The following CAMK2B variants were observed in gnomAD, a reference collection of about 807,000 sequenced individuals.
CAMK2B encodes calcium/calmodulin-dependent protein kinase type II subunit beta.
Under a neutral mutation model 93.7 loss-of-function variants are expected in CAMK2B, and 27 were observed. The observed-to-expected ratio is 0.29, with a 90% CI of 0.21 to 0.40. The LOEUF is 0.40. Among genes scored for constraint, CAMK2B ranks in the 10% least tolerant of loss-of-function variants. The pLI, the probability that CAMK2B is intolerant of heterozygous loss-of-function variation, is 1.00. For missense variants in CAMK2B, 568 were observed against 895.8 expected (o/e 0.63, Z 4.67); for synonymous variants, 374 against 358.8 (o/e 1.04, Z -0.48).
At chr7:44,258,625 G>C (rs539701627) in intron 4 of CAMK2B, among the ~76,000 whole-genome samples, 13 of 152,230 alleles carry the variant, frequency 8.5e-5, no homozygotes, top group Non-Finnish European at 1.5e-4. Context: ...GTGGAGGAGA[G>C]GGGGAGTCCA....
At chr7:44,299,742 G>A (rs1169116321) in intron 1 of CAMK2B, among the ~76,000 whole-genome samples, 3 of 152,068 alleles carry the variant, frequency 2.0e-5, no homozygotes, top group East Asian at 1.9e-4. Context: ...CTCCTCATCT[G>A]TAAATGGAGA....
intron 1 of CAMK2B, among the ~76,000 whole-genome samples, chr7:44,306,420 G>A (rs1791525053): frequency 6.6e-6 from 1 of 152,252 alleles, no homozygotes; most frequent in Non-Finnish European, 1.5e-5. Flanking sequence ...CACAGGAGCT[G>A]TGCCCCAGAA....
chr7:44,253,667 G>A (rs929439021), intron 5 of CAMK2B, among the ~76,000 whole-genome samples: 8 of 152,024 alleles, frequency 5.3e-5, no homozygotes, highest in Non-Finnish European at 8.8e-5. Context: ...GCACAATCTC[G>A]GCTCACTGCA....
At chr7:44,258,696 C>T (rs540262894) in intron 4 of CAMK2B, among the ~76,000 whole-genome samples, 176 bp downstream of exon 4, 42 of 152,220 alleles carry the variant, frequency 2.8e-4, no homozygotes, top group Non-Finnish European at 4.6e-4. Context: ...TGAGGGGAGG[C>T]GAGGGAAGCT....
chr7:44,244,030 G>A (rs951546812), intron 6 of CAMK2B, among the ~76,000 whole-genome samples: 5 of 152,174 alleles, frequency 3.3e-5, no homozygotes, highest in Admixed American at 6.5e-5. Context: ...TGCTTGAGGG[G>A]AAGTTCAGGT....
chr7:44,239,002 G>A (rs975281654), intron 13 of CAMK2B, among the ~76,000 whole-genome samples: 16 of 152,216 alleles, frequency 1.1e-4, no homozygotes, highest in Non-Finnish European at 1.9e-4. Context: ...TGAGGCCAGG[G>A]GAGGAGGACT....
chr7:44,312,659 AAGAG>A lies in CAMK2B; in HGVS notation c.65+12694_65+12697del, dbSNP rs1214133429. Among the ~76,000 whole-genome samples, 2 of 152,194 alleles carry A rather than the reference AAGAG, an allele frequency of 1.3e-5. No individual in the cohort carries two copies. The highest frequency in any genetic ancestry group is 4.8e-5 in the African/African-American group (2 of 41,442). The stretch of plus-strand genomic sequence containing the variant: ...AAAAGTGGAAACATGAAGTGAGAAA[AAGAG>A]AGGGAGAGAAACAGAGAGACAGAGG... On this transcript the variant is annotated intron_variant, in intron 1 of 23. Coordinates refer to ENST00000395749, the MANE Select transcript of CAMK2B (RefSeq NM_001220.5). The surrounding 1 kb of genome is among the most constrained non-coding windows in gnomAD (Gnocchi z 4.1).
At chr7:44,229,263 T>C (rs576667760) in intron 18 of CAMK2B, 125 bp downstream of exon 18, 12 of 651,996 alleles carry the variant, frequency 1.8e-5, no homozygotes, top group South Asian at 1.4e-4. Context: ...CAGTGAGGGA[T>C]TGTGGGGTGA....
chr7:44,240,592 G>A lies in CAMK2B; in HGVS notation c.946+115C>T, dbSNP rs545348539. The A allele has an allele frequency of 7.5e-5, 91 of 1,216,480 alleles. No individual in the cohort carries two copies. The South Asian group carries it at 8.6e-4, about 11-fold the overall frequency. The allele number at this position is 1,216,480 out of a possible 1,614,324, so 75.4% of individuals were successfully genotyped here. A position where few individuals can be genotyped will look rare whatever the true frequency, so the allele number is the denominator to read the frequency against. ...GGTCTCAGAGCTGAGGGCAGACGCC[G>A]AGGGCAGGCCTGCCGCAGAGGAGGA... On this transcript the variant is annotated intron_variant, in intron 12 of 23. Coordinates refer to ENST00000395749, the MANE Select transcript of CAMK2B (RefSeq NM_001220.5).
chr7:44,228,770 C>T (rs779263051), intron 19 of CAMK2B, 26 bp downstream of exon 19: 15 of 1,442,912 alleles, frequency 1.0e-5, no homozygotes, highest in African/African-American at 4.3e-5. Flanking sequence ...GCAGCAGAGG[C>T]GGCAGGCCTG....
intron 6 of CAMK2B, 123 bp downstream of exon 6, chr7:44,246,997 C>A: frequency 2.8e-6 from 2 of 726,570 alleles, no homozygotes; most frequent in South Asian, 1.7e-5. Flanking sequence ...GACACACACA[C>A]ACATACACCT....
rs542032791 is a variant in CAMK2B at position 44,293,152 on chromosome 7, G to A, written c.66-8927C>T. Reference sequence around the variant, plus strand: ...CACCCACCTGTGCAGGAAGCCACTCGCTTCAGTGCATCAAAGTCTCAAACC... The same window carrying A: ...CACCCACCTGTGCAGGAAGCCACTCACTTCAGTGCATCAAAGTCTCAAACC... On this transcript the variant is annotated intron_variant, in intron 1 of 23. Coordinates refer to ENST00000395749, the MANE Select transcript of CAMK2B (RefSeq NM_001220.5). 1.4e-4 allele frequency among the ~76,000 whole-genome samples: 21 copies of A among 152,282 alleles called. No homozygotes were observed. In the East Asian group the frequency reaches 2.5e-3, roughly 18 times the overall value.
At chr7:44,255,261 G>C (rs1247990008) in intron 4 of CAMK2B, among the ~76,000 whole-genome samples, 1 of 152,210 alleles carries the variant, frequency 6.6e-6, no homozygotes, top group Non-Finnish European at 1.5e-5. Flanking sequence ...TCTCCACCCA[G>C]TGAGTAGTCA....
At chr7:44,307,775 G>T (rs1056446544) in intron 1 of CAMK2B, among the ~76,000 whole-genome samples, 17 of 152,116 alleles carry the variant, frequency 1.1e-4, no homozygotes, top group African/African-American at 3.6e-4. Context: ...GCTGACCCTT[G>T]TTGAATTTGT....
intron 1 of CAMK2B, among the ~76,000 whole-genome samples, chr7:44,291,304 G>A (rs118130888): frequency 0.089 from 13,585 of 152,232 alleles, 815 homozygotes; most frequent in Non-Finnish European, 0.12. Flanking sequence ...CCAGGCAGGA[G>A]CTGGAGTCCC....
intron 1 of CAMK2B, among the ~76,000 whole-genome samples, chr7:44,287,342 C>A (rs535608698): frequency 6.6e-6 from 1 of 152,322 alleles, no homozygotes; most frequent in South Asian, 2.1e-4. Flanking sequence ...CTTTACCCAC[C>A]ACTTCCCCTA....
chr7:44,296,571 A>G (rs1788381514), intron 1 of CAMK2B, among the ~76,000 whole-genome samples: 2 of 152,144 alleles, frequency 1.3e-5, no homozygotes, highest in Non-Finnish European at 2.9e-5. Flanking sequence ...GCACCAAACC[A>G]CAAATCCAGG....
intron 2 of CAMK2B, among the ~76,000 whole-genome samples, chr7:44,270,080 C>T (rs572942047): frequency 6.6e-6 from 1 of 152,092 alleles, no homozygotes; most frequent in East Asian, 1.9e-4. Flanking sequence ...ACGTACCCCC[C>T]CCCCATTCCA....
At chr7:44,244,571 A>G (rs1361404385) in intron 6 of CAMK2B, among the ~76,000 whole-genome samples, 2 of 151,914 alleles carry the variant, frequency 1.3e-5, no homozygotes, top group Admixed American at 6.6e-5. Context: ...CACTGCTTCC[A>G]TCTGATGCAC....
Sources: allele counts gnomAD v4.1 joint callset (sites outside exome capture counted in the v4.1 genomes callset), GRCh38; gene constraint gnomAD v4.1.1; non-coding constraint Gnocchi (gnomAD v3.1); transcripts MANE v1.5; gene names NCBI Gene and HGNC (gene_info 2026-07-23, HGNC 2026-07-21).